Variants in RNF216 observed in about 807,000 individuals in gnomAD.
RNF216 encodes the protein E3 ubiquitin-protein ligase RNF216.
Under a neutral mutation model 110.8 loss-of-function variants are expected in RNF216, and 72 were observed. The observed-to-expected ratio is 0.65, with a 90% CI of 0.54 to 0.79. The LOEUF (loss-of-function observed/expected upper bound fraction) is 0.79, where lower values mean the gene tolerates loss of function less well. Ranked by LOEUF, RNF216 falls within the 30% of genes least tolerant of loss-of-function variation. The pLI is 0.00. For missense variants in RNF216, 1,342 were observed against 1,141.2 expected (o/e 1.18, Z -2.54); for synonymous variants, 495 against 407.5 (o/e 1.21, Z -2.59).
intron 13 of RNF216, among the ~76,000 whole-genome samples, chr7:5,663,318 C>T (rs1257566936): frequency 6.6e-6 from 1 of 152,116 alleles, no homozygotes; most frequent in Non-Finnish European, 1.5e-5. Flanking sequence ...TGGTGGCTTA[C>T]GCCTGTAATC....
chr7:5,780,574 G>A (rs1212833343), intron 1 of RNF216, among the ~76,000 whole-genome samples: 5 of 152,044 alleles, frequency 3.3e-5, no homozygotes, highest in Non-Finnish European at 7.4e-5. Flanking sequence ...GCAAATGCCT[G>A]TAATCCCAGC....
At chr7:5,675,163 G>A (rs1790198505) in intron 13 of RNF216, among the ~76,000 whole-genome samples, 1 of 152,164 alleles carries the variant, frequency 6.6e-6, no homozygotes, top group East Asian at 1.9e-4. Context: ...ATTCTGGAAC[G>A]CTCAAATAAG....
chr7:5,769,392 A>G (rs1307874370), intron 1 of RNF216, among the ~76,000 whole-genome samples: 1 of 151,892 alleles, frequency 6.6e-6, no homozygotes, highest in Non-Finnish European at 1.5e-5. Context: ...TTGGGATTAC[A>G]GGCGTGAGCC....
intron 2 of RNF216, among the ~76,000 whole-genome samples, chr7:5,755,946 A>G (rs1169723839): frequency 6.7e-6 from 1 of 148,420 alleles, no homozygotes; most frequent in Non-Finnish European, 1.5e-5. Flanking sequence ...TGGGAACACA[A>G]TCATGCTCAT....
At chr7:5,765,669 A>C (rs986204976) in intron 1 of RNF216, among the ~76,000 whole-genome samples, 1 of 151,246 alleles carries the variant, frequency 6.6e-6, no homozygotes, top group African/African-American at 2.4e-5. Flanking sequence ...TGGGGCTGGC[A>C]TGGTGGCTCA....
intron 1 of RNF216, among the ~76,000 whole-genome samples, chr7:5,765,081 A>AC (rs912301146): frequency 1.1e-4 from 17 of 151,788 alleles, no homozygotes; most frequent in Non-Finnish European, 2.4e-4. Flanking sequence ...AAAAAAAAAA[A>AC]AAAGTAAGGA....
At chr7:5,739,521 T>A in intron 4 of RNF216, 169 bp from the exon 5 acceptor site, 3 of 716,438 alleles carry the variant, frequency 4.2e-6, no homozygotes, top group Non-Finnish European at 7.6e-6. Flanking sequence ...GATTCATCTG[T>A]CTACATAGAA....
chr7:5,702,622 G>C (rs1480953717), intron 13 of RNF216, among the ~76,000 whole-genome samples: 1 of 152,150 alleles, frequency 6.6e-6, no homozygotes, highest in African/African-American at 2.4e-5. Flanking sequence ...TGTATTTACT[G>C]TGCTTCAATA....
intron 1 of RNF216, among the ~76,000 whole-genome samples, chr7:5,770,085 G>A (rs867967693): frequency 4.4e-5 from 6 of 137,326 alleles, no homozygotes; most frequent in Admixed American, 7.7e-5. Flanking sequence ...GGTGGCTCAC[G>A]CCTGTAGTCC....
At chr7:5,644,948 C>T (rs1787966315) in intron 14 of RNF216, among the ~76,000 whole-genome samples, 1 of 151,946 alleles carries the variant, frequency 6.6e-6, no homozygotes, top group South Asian at 2.1e-4. Context: ...CCTTAGCCTC[C>T]TGAGCAGCTG....
At chr7:5,780,662 G>T (rs1352097458) in intron 1 of RNF216, among the ~76,000 whole-genome samples, 1 of 151,546 alleles carries the variant, frequency 6.6e-6, no homozygotes, top group East Asian at 1.9e-4. Flanking sequence ...CCGGGATCGC[G>T]CCACTGCACT....
chr7:5,712,472 CAAAAA>C (rs777046723), intron 12 of RNF216, among the ~76,000 whole-genome samples: 1 of 109,460 alleles, frequency 9.1e-6, no homozygotes, highest in African/African-American at 3.4e-5. Flanking sequence ...GAATCCACCT[CAAAAA>C]AAAAAAAAGA....
At chr7:5,742,457 TA>T (rs917067148) in intron 3 of RNF216, among the ~76,000 whole-genome samples, 3 of 151,694 alleles carry the variant, frequency 2.0e-5, no homozygotes, top group African/African-American at 7.3e-5. Context: ...AAAAAACATA[TA>T]AAAAAATCTA....
chr7:5,751,031 C>T (rs561586908), intron 3 of RNF216, among the ~76,000 whole-genome samples: 63 of 152,284 alleles, frequency 4.1e-4, no homozygotes, highest in African/African-American at 1.5e-3. Flanking sequence ...TAGTTGGGGC[C>T]CTAGCCGAGG....
At chr7:5,780,927 T>C (rs1797050416) in intron 1 of RNF216, among the ~76,000 whole-genome samples, 1 of 152,050 alleles carries the variant, frequency 6.6e-6, no homozygotes, top group African/African-American at 2.4e-5. Context: ...CAGAACCACC[T>C]CGACGCGGGG....
At chr7:5,752,427 T>C (rs1026200224) in intron 3 of RNF216, among the ~76,000 whole-genome samples, 1 of 152,176 alleles carries the variant, frequency 6.6e-6, no homozygotes, top group Non-Finnish European at 1.5e-5. Context: ...AGATTTGTTT[T>C]GGATTACGCA....
chr7:5,732,528 C>T (rs1264284681), intron 5 of RNF216, among the ~76,000 whole-genome samples: 1 of 152,188 alleles, frequency 6.6e-6, no homozygotes, highest in Non-Finnish European at 1.5e-5. Flanking sequence ...ACTTCAAATA[C>T]TGAAATGCTA....
intron 13 of RNF216, among the ~76,000 whole-genome samples, chr7:5,685,212 T>C (rs749581661): frequency 2.0e-4 from 31 of 152,270 alleles, no homozygotes; most frequent in Non-Finnish European, 3.7e-4. Flanking sequence ...GGCATGGAGG[T>C]AGCTCCCCTG....
At chr7:5,643,677 TA>T (rs890274030) in intron 14 of RNF216, among the ~76,000 whole-genome samples, 15 of 152,350 alleles carry the variant, frequency 9.8e-5, no homozygotes, top group African/African-American at 3.6e-4. Flanking sequence ...TTTGCTGTGG[TA>T]AAATGCACAT....
Sources: gnomAD v4.1 joint callset for allele counts (sites outside exome capture counted in the v4.1 genomes callset) on GRCh38, gnomAD v4.1.1 for gene constraint, MANE v1.5 for transcripts, NCBI Gene and HGNC (gene_info 2026-07-23, HGNC 2026-07-21) for gene names.